Variants in TMTC1 observed in about 807,000 individuals in gnomAD.
TMTC1 encodes the protein transmembrane O-mannosyltransferase targeting cadherins 1.
Under a neutral mutation model 104.8 loss-of-function variants are expected in TMTC1, and 73 were observed. That is an observed-to-expected ratio of 0.70 (90% CI 0.58 to 0.85). The LOEUF (loss-of-function observed/expected upper bound fraction) is 0.85. Ranked by LOEUF, TMTC1 falls within the 40% of genes least tolerant of loss-of-function variation. The pLI is 0.00. For missense variants in TMTC1, 1,035 were observed against 1,096.1 expected, an observed-to-expected ratio of 0.94 and a Z score of 0.79; for synonymous variants, 434 against 428.7, an observed-to-expected ratio of 1.01 and a Z score of -0.15.
intron 5 of TMTC1, among the ~76,000 whole-genome samples, chr12:29,739,794 C>T (rs1434821477): frequency 2.0e-5 from 3 of 151,376 alleles, no homozygotes; most frequent in East Asian, 2.0e-4. Context: ...TTGCAACCTC[C>T]GCCTCTCAGG....
At chr12:29,539,881 G>A (rs1022587875) in intron 10 of TMTC1, among the ~76,000 whole-genome samples, 7 of 152,218 alleles carry the variant, frequency 4.6e-5, no homozygotes, top group East Asian at 3.9e-4. Flanking sequence ...TAGGTCTTCC[G>A]CCTCTCAGCC....
intron 5 of TMTC1, among the ~76,000 whole-genome samples, chr12:29,637,088 ACAC>A (rs1565727958): frequency 0.019 from 2,809 of 145,832 alleles, 49 homozygotes; most frequent in Non-Finnish European, 0.028. Flanking sequence ...AATGAGAAAC[ACAC>A]ACACACACAC....
chr12:29,606,396 C>T (rs1015859261), intron 6 of TMTC1, among the ~76,000 whole-genome samples: 4 of 151,132 alleles, frequency 2.6e-5, no homozygotes, highest in Non-Finnish European at 4.4e-5. Flanking sequence ...ATATCAAGAG[C>T]AAGTATTTCT....
intron 7 of TMTC1, among the ~76,000 whole-genome samples, chr12:29,591,282 C>T (rs937679975): frequency 9.2e-5 from 14 of 152,214 alleles, no homozygotes; most frequent in Admixed American, 7.8e-4. Flanking sequence ...TTCCCTCCAT[C>T]GCTAGGGGCA....
At chr12:29,651,024 C>A (rs1939494955) in intron 5 of TMTC1, among the ~76,000 whole-genome samples, 1 of 152,184 alleles carries the variant, frequency 6.6e-6, no homozygotes, top group African/African-American at 2.4e-5. Context: ...GTTTGATTTT[C>A]TTCTGAGGCA....
At chr12:29,784,139 G>A (rs557767090), upstream of TMTC1, among the ~76,000 whole-genome samples, 5 of 152,084 alleles carry the variant, frequency 3.3e-5, no homozygotes, top group South Asian at 1.0e-3. Flanking sequence ...GGAGCTGCGG[G>A]GAAGGACACC....
chr12:29,617,877 G>C (rs1413343367), intron 6 of TMTC1, among the ~76,000 whole-genome samples: 1 of 152,176 alleles, frequency 6.6e-6, no homozygotes, highest in African/African-American at 2.4e-5. Flanking sequence ...GACTATTGTT[G>C]TCAGAGAAAT....
intron 9 of TMTC1, among the ~76,000 whole-genome samples, chr12:29,564,787 G>C (rs73071533): frequency 6.6e-6 from 1 of 151,964 alleles, no homozygotes; most frequent in African/African-American, 2.4e-5. Flanking sequence ...AGACAGGCTC[G>C]GTTGTTTGTT....
chr12:29,731,243 G>A (rs932638888), intron 5 of TMTC1, among the ~76,000 whole-genome samples: 1 of 152,116 alleles, frequency 6.6e-6, no homozygotes, highest in Non-Finnish European at 1.5e-5. Context: ...TGCAACCTCC[G>A]CCTCCTGGAT....
intron 5 of TMTC1, among the ~76,000 whole-genome samples, chr12:29,679,166 A>G (rs1464155332): frequency 6.6e-6 from 1 of 152,174 alleles, no homozygotes; most frequent in Non-Finnish European, 1.5e-5. Context: ...ATTATATATT[A>G]CTAACAAAAA....
intron 6 of TMTC1, among the ~76,000 whole-genome samples, chr12:29,623,981 T>G (rs1043489306): frequency 6.6e-6 from 1 of 151,968 alleles, no homozygotes; most frequent in African/African-American, 2.4e-5. Context: ...ATTCTCTGTC[T>G]TGTTTTTGTT....
intron 6 of TMTC1, among the ~76,000 whole-genome samples, chr12:29,627,054 T>C (rs1346354851): frequency 1.3e-5 from 2 of 152,070 alleles, no homozygotes; most frequent in Non-Finnish European, 2.9e-5. Context: ...TGAGCCGAGA[T>C]TGCGCCATTG....
chr12:29,689,240 C>T (rs1328229859), intron 5 of TMTC1, among the ~76,000 whole-genome samples: 1 of 151,730 alleles, frequency 6.6e-6, no homozygotes, highest in African/African-American at 2.4e-5. Context: ...GAAAAATAAG[C>T]CATTTTGCTT....
intron 17 of TMTC1, among the ~76,000 whole-genome samples, chr12:29,509,476 T>C (rs1288993265): frequency 2.0e-5 from 3 of 152,110 alleles, no homozygotes; most frequent in African/African-American, 7.2e-5. Flanking sequence ...CCCCCAGGTT[T>C]GGGGAAGGAG....
intron 9 of TMTC1, among the ~76,000 whole-genome samples, chr12:29,559,574 T>C (rs891860054): frequency 3.3e-5 from 5 of 152,216 alleles, no homozygotes; most frequent in African/African-American, 9.6e-5. Context: ...CTATGCCTTG[T>C]GCTCTAAGAA....
chr12:29,770,163 AT>A (rs1943564138), intron 1 of TMTC1, among the ~76,000 whole-genome samples: 1 of 152,090 alleles, frequency 6.6e-6, no homozygotes, highest in Admixed American at 6.6e-5. Context: ...AAAAAGGCTT[AT>A]TTTTGCAAAG....
At chr12:29,566,311 C>A (rs183335977) in intron 9 of TMTC1, among the ~76,000 whole-genome samples, 185 of 152,204 alleles carry the variant, frequency 1.2e-3, no homozygotes, top group African/African-American at 4.3e-3. Flanking sequence ...GCCAAGTAAG[C>A]AAGAAGAATA....
chr12:29,663,960 G>A (rs183908742), intron 5 of TMTC1, among the ~76,000 whole-genome samples: 90 of 152,002 alleles, frequency 5.9e-4, no homozygotes, highest in African/African-American at 2.0e-3. Context: ...AAAATGTAGC[G>A]GCGGATCACG....
chr12:29,715,987 G>T (rs1591966824), intron 5 of TMTC1, among the ~76,000 whole-genome samples: 1 of 130,170 alleles, frequency 7.7e-6, no homozygotes, highest in African/African-American at 3.0e-5. Flanking sequence ...GCCAAACTCA[G>T]TATTATTATT....
Sources: allele counts gnomAD v4.1 joint callset (sites outside exome capture counted in the v4.1 genomes callset), GRCh38; gene constraint gnomAD v4.1.1; transcripts MANE v1.5; gene names NCBI Gene and HGNC (gene_info 2026-07-23, HGNC 2026-07-21).